Variants in ZMYM1 observed in about 807,000 individuals in gnomAD.
ZMYM1 encodes zinc finger MYM-type protein 1.
ZMYM1 carries 39 observed loss-of-function variants against 60.0 expected under a neutral mutation model. That is an observed-to-expected ratio of 0.65 (90% CI 0.50 to 0.85). The LOEUF is 0.85. Ranked by LOEUF, ZMYM1 falls within the 40% of genes least tolerant of loss-of-function variation. The pLI is 0.00. For synonymous variants in ZMYM1, 413 were observed against 454.0 expected, an observed-to-expected ratio of 0.91 and a Z score of 1.15; for missense variants, 1,171 against 1,309.5, an observed-to-expected ratio of 0.89 and a Z score of 1.63.
At chr1:35,060,501 C>T (rs12078976) in intron 1 of ZMYM1, among the ~76,000 whole-genome samples, 18,886 of 152,020 alleles carry the variant, frequency 0.12, 3,770 homozygotes, top group African/African-American at 0.42. Flanking sequence ...GATTGATTAA[C>T]TTGGCCTAGG....
At chr1:35,076,935 C>CAA (rs1239260936), upstream of ZMYM1, among the ~76,000 whole-genome samples, 8 of 79,358 alleles carry the variant, frequency 1.0e-4, no homozygotes, top group African/African-American at 1.3e-4. Flanking sequence ...AACTCTGTCT[C>CAA]AAAAAAAAAA....
At position 35,097,362 on chromosome 1, in the gene ZMYM1, G is replaced by A; in HGVS notation, c.215G>A (p.Gly72Asp). The A allele has an allele frequency of 1.9e-6, 3 of 1,613,726 alleles. No individual in the cohort carries two copies. Among genetic ancestry groups the A allele is most frequent in the Non-Finnish European group, 2.5e-6 (3 of 1,179,872 alleles). ...AGIQLSLASS[G>D]VNKMLPSVST... ...ATTCAGCTTTCTCTGGCATCATCTG[G>A]CGTGAATAAAATGCTTCCTTCAGTT... The change falls in exon 4 of 10, where the codon GGC (glycine) becomes GAC (aspartate). Residue 72 changes from glycine to aspartate, a missense_variant. Transcript: ENST00000359858.
intron 4 of ZMYM1, among the ~76,000 whole-genome samples, chr1:35,099,352 G>A (rs1643515169): frequency 6.6e-6 from 1 of 152,124 alleles, no homozygotes; most frequent in South Asian, 2.1e-4. Flanking sequence ...TCCCTGCAGA[G>A]TCATAAAACT....
upstream of ZMYM1, among the ~76,000 whole-genome samples, chr1:35,078,537 A>ATTT (rs751468260): frequency 1.4e-3 from 114 of 82,222 alleles, 4 homozygotes; most frequent in East Asian, 2.4e-3. Flanking sequence ...GGTTATTTTA[A>ATTT]TTTTTTTTTT....
chr1:35,116,078 T>G (rs1295337684), downstream of ZMYM1, among the ~76,000 whole-genome samples: 1 of 152,110 alleles, frequency 6.6e-6, no homozygotes, highest in Non-Finnish European at 1.5e-5. Context: ...AATTTTTTTT[T>G]TTTTAAATTA....
At position 35,094,052 on chromosome 1, in the gene ZMYM1, A is replaced by G. The variant is rs1206823424; in HGVS notation, c.65A>G (p.Asp22Gly). ...KAVASQLGLL[D>G]EIKTEPDNAQ... The stretch of plus-strand genomic sequence containing the variant: ...GTGGCATCACAGCTGGGGCTGCTAG[A>G]TGAAATTAAGACAGAACCCGACAAT... The change falls in exon 2 of 10, where the codon GAT becomes GGT. Residue 22 changes from aspartate (D) to glycine (G), a missense_variant. Coordinates refer to ENST00000359858, the MANE Select transcript of ZMYM1 (RefSeq NM_024772.5). The G allele has an allele frequency of 1.9e-6, 3 of 1,611,602 alleles. No homozygotes were observed. Among genetic ancestry groups the G allele is most frequent in the Non-Finnish European group, 2.5e-6 (3 of 1,178,634 alleles).
In ZMYM1 at chr1:35,115,050, T is replaced by C; in HGVS notation, c.3220T>C (p.Leu1074=). The C allele has an allele frequency of 6.2e-7, 1 of 1,614,096 alleles. No individual in the cohort carries two copies. The highest frequency in any genetic ancestry group is 8.5e-7 in the Non-Finnish European group (1 of 1,179,960). Residue 1074 remains leucine, a synonymous_variant, in exon 10 of 10, where the codon TTG becomes CTG. Transcript: ENST00000359858. ...PCLSKLLYIA[L]SWPITSASTE... ...TCTCTCAAAGCTATTATATATTGCT[T>C]TGTCTTGGCCAATTACTTCAGCAAG...
At position 35,103,987 on chromosome 1, in the gene ZMYM1, G is replaced by A. The variant is rs1557689141; in HGVS notation, c.420-308G>A. Among the ~76,000 whole-genome samples, 5 of 152,128 alleles carry A rather than the reference G, an allele frequency of 3.3e-5. No individual in the cohort carries two copies. In the East Asian group the frequency reaches 9.6e-4, roughly 29 times the overall value. Reference sequence around the variant, plus strand: ...GTGGGATTATGTGCCTGTAATCCTAGCTATGTGGGAGATTGAGGTGGGAGA... The same window carrying A: ...GTGGGATTATGTGCCTGTAATCCTAACTATGTGGGAGATTGAGGTGGGAGA... On this transcript the variant is annotated intron_variant, in intron 4 of 9. Transcript: ENST00000359858.
chr1:35,073,656 G>A (rs1348942942), intron 1 of ZMYM1, among the ~76,000 whole-genome samples: 1 of 140,836 alleles, frequency 7.1e-6, no homozygotes, highest in African/African-American at 2.7e-5. Flanking sequence ...AAGAAAAAAA[G>A]GAAAGGAAAG....
At chr1:35,086,985 T>G in intron 1 of ZMYM1, among the ~76,000 whole-genome samples, 1 of 125,956 alleles carries the variant, frequency 7.9e-6, no homozygotes, top group African/African-American at 3.2e-5. Flanking sequence ...ACCCAGCCTT[T>G]TTTTTTTTTT....
chr1:35,089,225 A>G (rs1642853102), intron 1 of ZMYM1, among the ~76,000 whole-genome samples: 1 of 152,200 alleles, frequency 6.6e-6, no homozygotes, highest in South Asian at 2.1e-4. Flanking sequence ...TACCTCACGT[A>G]AACCTCATTG....
chr1:35,117,542 G>A (rs1482871717), downstream of ZMYM1, among the ~76,000 whole-genome samples: 1 of 151,226 alleles, frequency 6.6e-6, no homozygotes. Flanking sequence ...GGCTGGTCTC[G>A]AACTCCTGAC....
intron 1 of ZMYM1, among the ~76,000 whole-genome samples, chr1:35,069,358 T>C (rs1306827092): frequency 6.6e-6 from 1 of 152,242 alleles, no homozygotes; most frequent in Non-Finnish European, 1.5e-5. Context: ...GAGTATTTTT[T>C]CGTGTACCTG....
intron 1 of ZMYM1, among the ~76,000 whole-genome samples, chr1:35,068,517 C>A (rs1480989931): frequency 3.3e-5 from 5 of 150,306 alleles, no homozygotes; most frequent in Non-Finnish European, 7.4e-5. Context: ...AGAGGGTAGA[C>A]AGTCAAGGAG....
chr1:35,075,197 G>A (rs1352170900), upstream of ZMYM1, among the ~76,000 whole-genome samples: 1 of 152,140 alleles, frequency 6.6e-6, no homozygotes, highest in Non-Finnish European at 1.5e-5. Flanking sequence ...TGATATAAGT[G>A]TGGCTACTCC....
intron 1 of ZMYM1, among the ~76,000 whole-genome samples, chr1:35,070,449 C>G (rs1476855850): frequency 1.3e-5 from 2 of 152,106 alleles, no homozygotes; most frequent in African/African-American, 4.8e-5. Context: ...TGCAACTTTA[C>G]TGAATTTGTT....
At chr1:35,117,660 G>T (rs1027450481), downstream of ZMYM1, among the ~76,000 whole-genome samples, 11 of 152,006 alleles carry the variant, frequency 7.2e-5, no homozygotes, top group African/African-American at 2.2e-4. Flanking sequence ...GAGAAAACAG[G>T]CCTGGCGCAG....
chr1:35,103,161 A>G (rs1449482818), intron 4 of ZMYM1, among the ~76,000 whole-genome samples: 1 of 152,190 alleles, frequency 6.6e-6, no homozygotes, highest in Non-Finnish European at 1.5e-5. Context: ...GGCATTTAGT[A>G]TATTCATAAT....
Position 35,114,281 on chromosome 1 carries a change from A to C in ZMYM1, c.2451A>C (p.Leu817=), listed in dbSNP as rs946512745. The C allele has an allele frequency of 6.2e-7, 1 of 1,613,842 alleles. No homozygotes were observed. The highest frequency in any genetic ancestry group is 8.5e-7 in the Non-Finnish European group (1 of 1,179,860). Residue 817 remains leucine (L), a synonymous_variant, in exon 10 of 10, where the codon CTA becomes CTC. Coordinates refer to ENST00000359858, the MANE Select transcript of ZMYM1 (RefSeq NM_024772.5). ...SCWTVHDRTL[L]SVIDSLPEII... ...GGACAGTCCATGATCGTACATTACT[A>C]TCTGTGATTGACAGTCTTCCAGAGA...
Sources: gnomAD v4.1 joint callset for allele counts (sites outside exome capture counted in the v4.1 genomes callset) on GRCh38, gnomAD v4.1.1 for gene constraint, MANE v1.5 for transcripts, NCBI Gene and HGNC (gene_info 2026-07-23, HGNC 2026-07-21) for gene names.